The following PRR14L variants were observed in gnomAD, a reference collection of about 807,000 sequenced individuals.
PRR14L encodes the protein proline rich 14 like, also known as protein PRR14L.
In PRR14L, 80 loss-of-function variants were observed where a neutral mutation model predicts 155.0. The ratio of observed to expected loss-of-function variants is 0.52; its 90% CI spans 0.43 to 0.62. The LOEUF is 0.62. Ranked by LOEUF, PRR14L falls within the 20% of genes least tolerant of loss-of-function variation. The probability of loss-of-function intolerance (pLI) is 0.00; values close to 1 mark genes in which losing one functional copy is unlikely to be tolerated. For missense variants in PRR14L, 2,469 were observed against 2,548.0 expected, an observed-to-expected ratio of 0.97 and a Z score of 0.67; for synonymous variants, 883 against 916.0, an observed-to-expected ratio of 0.96 and a Z score of 0.65.
chr22:31,705,025 T>C (rs1447206376), intron 4 of PRR14L, among the ~76,000 whole-genome samples: 3 of 152,158 alleles, frequency 2.0e-5, no homozygotes, highest in African/African-American at 2.4e-5. Context: ...TTTGGGAGGC[T>C]GAGGTGGGCA....
chr22:31,740,816 G>A (rs897552106), intron 1 of PRR14L, among the ~76,000 whole-genome samples: 14 of 152,234 alleles, frequency 9.2e-5, no homozygotes, highest in Admixed American at 2.0e-4. Flanking sequence ...TGATGTTTAG[G>A]TAACACAGAA....
At chr22:31,708,844 G>C (rs1361776405) in intron 4 of PRR14L, among the ~76,000 whole-genome samples, 1 of 151,594 alleles carries the variant, frequency 6.6e-6, no homozygotes, top group Admixed American at 6.6e-5. Flanking sequence ...TTTATTTTTT[G>C]AGACGGAGTT....
intron 2 of PRR14L, among the ~76,000 whole-genome samples, chr22:31,737,031 C>CAAAAAAA: frequency 2.0e-5 from 1 of 49,848 alleles, no homozygotes; most frequent in Non-Finnish European, 3.5e-5. Flanking sequence ...GTGAGAGACT[C>CAAAAAAA]AAAAAAAAAA....
intron 1 of PRR14L, among the ~76,000 whole-genome samples, chr22:31,745,896 T>C (rs1416171945): frequency 3.3e-5 from 5 of 150,462 alleles, no homozygotes; most frequent in African/African-American, 1.2e-4. Flanking sequence ...TATCACAGTG[T>C]TACCTTGGAC....
At position 31,685,421 on chromosome 22, in the gene PRR14L, A is replaced by G; in HGVS notation, c.*106T>C. The G allele has an allele frequency of 9.5e-7, 1 of 1,047,146 alleles. No homozygotes were observed. The highest frequency in any genetic ancestry group is 1.3e-6 in the Non-Finnish European group (1 of 743,048). 64.9% of individuals were successfully genotyped at this position (1,047,146 alleles called of 1,614,324 possible). ...TTTTTGAGTGGTTTGGCGGTAGGGC[A>G]AAATTAGGCAACCTTTTCCAAGGAG... On this transcript the variant is annotated 3_prime_UTR_variant, in exon 9 of 9. Transcript: ENST00000327423.
chr22:31,712,662 G>C lies in PRR14L; in HGVS notation c.5177C>G (p.Ser1726Cys). Residue 1726 changes from serine (S) to cysteine (C), a missense_variant, in exon 4 of 9, where the codon TCC becomes TGC. Ser to Cys is a moderately radical substitution (Grantham distance 112). Around this residue, in one of 2 missense-constraint regions of PRR14L, gnomAD observed 2,363 missense variants for 2,371.6 expected, o/e 1.00. Transcript: ENST00000327423. ...IFPVSFHVKS[S>C]SSDCTTESSR... ...GGACTCAGTCGTGCAATCTGAGCTG[G>C]ATGATTTCACATGAAAGGATACTGG... 3.2e-6 allele frequency: 5 copies of C among 1,551,752 alleles called. No individual in the cohort carries two copies. Among genetic ancestry groups the C allele is most frequent in the Non-Finnish European group, 4.4e-6 (5 of 1,147,004 alleles).
intron 7 of PRR14L, among the ~76,000 whole-genome samples, chr22:31,691,145 T>C (rs2074509813): frequency 6.6e-6 from 1 of 151,104 alleles, no homozygotes; most frequent in African/African-American, 2.4e-5. Flanking sequence ...TAAAATATTT[T>C]TAGTAGAGAC....
intron 1 of PRR14L, among the ~76,000 whole-genome samples, chr22:31,749,453 G>T (rs1486816298): frequency 1.3e-5 from 2 of 152,156 alleles, no homozygotes; most frequent in African/African-American, 4.8e-5. Context: ...AAATAAAGGA[G>T]GAAGGTAAGT....
At position 31,712,668 on chromosome 22, in the gene PRR14L, T is replaced by C; in HGVS notation, c.5171A>G (p.Lys1724Arg). The change falls in exon 4 of 9, where the codon AAA (lysine) becomes AGA (arginine). Residue 1724 changes from lysine (K) to arginine (R), a missense_variant. Lys to Arg is a conservative substitution (Grantham distance 26, BLOSUM62 2). Transcript: ENST00000327423. ...SEIFPVSFHV[K>R]SSSSDCTTES... The stretch of plus-strand genomic sequence containing the variant: ...AGTCGTGCAATCTGAGCTGGATGAT[T>C]TCACATGAAAGGATACTGGGAAGAT... 6.4e-7 allele frequency: 1 copy of C among 1,551,734 alleles called. No individual in the cohort carries two copies. The highest frequency in any genetic ancestry group is 8.7e-7 in the Non-Finnish European group (1 of 1,147,004).
At chr22:31,737,950 G>C (rs1003943311) in intron 2 of PRR14L, among the ~76,000 whole-genome samples, 3 of 152,006 alleles carry the variant, frequency 2.0e-5, no homozygotes, top group African/African-American at 7.2e-5. Flanking sequence ...AGAAGGCAGA[G>C]GTTGCAGTGA....
rs2074664853 is a variant in PRR14L at position 31,717,142 on chromosome 22, C to G, written c.697G>C (p.Glu233Gln). ...DLSAGCGEFQEVDKIMTSDEV... is the reference protein window; with the variant it reads ...DLSAGCGEFQQVDKIMTSDEV... ...TCACTGGTCATGATTTTGTCTACTT[C>G]TTGGAATTCACCGCATCCAGCTGAG... is the stretch of plus-strand genomic sequence containing the variant. Residue 233 changes from glutamate (E) to glutamine (Q), a missense_variant, in exon 4 of 9, where the codon GAA becomes CAA. By Grantham distance (29) the Glu-to-Gln change is conservative. Coordinates refer to ENST00000327423, the MANE Select transcript of PRR14L (RefSeq NM_173566.3). 1 of 1,552,204 alleles carries G rather than the reference C, an allele frequency of 6.4e-7. No homozygotes were observed. The highest frequency in any genetic ancestry group is 8.7e-7 in the Non-Finnish European group (1 of 1,147,134).
chr22:31,731,115 G>C (rs1054249257), intron 2 of PRR14L, among the ~76,000 whole-genome samples: 1 of 152,034 alleles, frequency 6.6e-6, no homozygotes, highest in African/African-American at 2.4e-5. Context: ...TCCTGTCCTG[G>C]AACAGCCATT....
intron 7 of PRR14L, among the ~76,000 whole-genome samples, chr22:31,694,133 C>T (rs1334057955): frequency 4.6e-5 from 7 of 151,672 alleles, no homozygotes; most frequent in African/African-American, 1.5e-4. Context: ...AAAAATTAGC[C>T]GATGTGGTAG....
intron 5 of PRR14L, among the ~76,000 whole-genome samples, chr22:31,703,932 A>T (rs2074576466): frequency 6.6e-6 from 1 of 151,752 alleles, no homozygotes. Flanking sequence ...CGAGTAGCTG[A>T]AATTACAGGC....
chr22:31,689,778 C>T (rs1033882258), intron 7 of PRR14L, among the ~76,000 whole-genome samples: 1 of 152,046 alleles, frequency 6.6e-6, no homozygotes, highest in African/African-American at 2.4e-5. Flanking sequence ...CAGAGTTTCG[C>T]TCTTTTTGCC....
intron 7 of PRR14L, among the ~76,000 whole-genome samples, chr22:31,701,217 A>G (rs1022987126): frequency 4.6e-5 from 7 of 151,100 alleles, no homozygotes; most frequent in Non-Finnish European, 1.0e-4. Flanking sequence ...CGAACTCCCG[A>G]CCTCAGGTGA....
At chr22:31,708,366 G>A (rs540366636) in intron 4 of PRR14L, among the ~76,000 whole-genome samples, 140 of 151,792 alleles carry the variant, frequency 9.2e-4, no homozygotes, top group Non-Finnish European at 1.7e-3. Context: ...TCACTCTGTC[G>A]CCCAGGCTGG....
At chr22:31,706,135 CA>C (rs112115929) in intron 4 of PRR14L, among the ~76,000 whole-genome samples, 13,001 of 151,938 alleles carry the variant, frequency 0.086, 636 homozygotes, top group Admixed American at 0.14. Context: ...AATTCAAGAC[CA>C]GCCTGGCCAA....
intron 7 of PRR14L, among the ~76,000 whole-genome samples, chr22:31,688,697 G>A (rs947567731): frequency 2.0e-5 from 3 of 152,014 alleles, no homozygotes; most frequent in Non-Finnish European, 4.4e-5. Flanking sequence ...CTTTACAGCT[G>A]TTGTTTGTGC....
Sources: gnomAD v4.1 joint callset for allele counts (sites outside exome capture counted in the v4.1 genomes callset) on GRCh38, gnomAD v4.1.1 for gene constraint, gnomAD v4.1.1 regional missense constraint, MANE v1.5 for transcripts, NCBI Gene and HGNC (gene_info 2026-07-23, HGNC 2026-07-21) for gene names.